The following SEMA3D variants were observed in gnomAD, a reference collection of about 807,000 sequenced individuals.
The protein encoded by SEMA3D is semaphorin-3D.
Under a neutral mutation model 100.1 loss-of-function variants are expected in SEMA3D, and 84 were observed. The observed-to-expected ratio is 0.84, with a 90% CI of 0.70 to 1.01. The LOEUF is 1.01. SEMA3D is among the 50% of genes least tolerant of loss of function. The pLI is 0.00. For synonymous variants in SEMA3D, 312 were observed against 320.7 expected, an observed-to-expected ratio of 0.97 and a Z score of 0.29; for missense variants, 875 against 934.1, an observed-to-expected ratio of 0.94 and a Z score of 0.82.
upstream of SEMA3D, among the ~76,000 whole-genome samples, chr7:85,187,226 G>A (rs554959258): frequency 6.6e-6 from 1 of 152,312 alleles, no homozygotes; most frequent in African/African-American, 2.4e-5. Context: ...CCCTGGCCAA[G>A]CGCTGACGGA....
At chr7:85,047,355 C>G (rs2116027207) in intron 9 of SEMA3D, among the ~76,000 whole-genome samples, 1 of 151,816 alleles carries the variant, frequency 6.6e-6, no homozygotes, top group South Asian at 2.1e-4. Context: ...CTTCTACTGT[C>G]CCAGCAAAAC....
intron 12 of SEMA3D, among the ~76,000 whole-genome samples, chr7:85,031,183 C>T (rs2115913964): frequency 6.6e-6 from 1 of 152,120 alleles, no homozygotes; most frequent in South Asian, 2.1e-4. Context: ...GTAAGCTTGA[C>T]ACACTGAAAG....
intron 1 of SEMA3D, among the ~76,000 whole-genome samples, chr7:85,162,051 T>C (rs1790757010): frequency 6.6e-6 from 1 of 152,106 alleles, no homozygotes; most frequent in Non-Finnish European, 1.5e-5. Flanking sequence ...TCTGTACCTG[T>C]TTCGTAGCTG....
intron 17 of SEMA3D, among the ~76,000 whole-genome samples, chr7:85,012,232 A>G (rs561868470): frequency 4.6e-5 from 7 of 151,884 alleles, no homozygotes; most frequent in Admixed American, 3.3e-4. Flanking sequence ...ACACTTCCCA[A>G]AAGATTCATA....
At chr7:85,106,577 TAAAAGGCATATGTG>T (rs1210839150) in intron 3 of SEMA3D, among the ~76,000 whole-genome samples, 2 of 152,110 alleles carry the variant, frequency 1.3e-5, no homozygotes, top group African/African-American at 4.8e-5. Context: ...AAAATAATGT[TAAAAGGCATATGTG>T]AAACTTCTCA....
chr7:85,105,205 T>C (rs1357196872), intron 3 of SEMA3D, among the ~76,000 whole-genome samples: 4 of 152,060 alleles, frequency 2.6e-5, no homozygotes, highest in Non-Finnish European at 4.4e-5. Flanking sequence ...TCAGCATTTC[T>C]CCTCTGATCT....
At chr7:85,077,753 T>C (rs1787918370) in intron 5 of SEMA3D, among the ~76,000 whole-genome samples, 1 of 152,170 alleles carries the variant, frequency 6.6e-6, no homozygotes, top group African/African-American at 2.4e-5. Flanking sequence ...CTTGATCACA[T>C]ACTGCTGGTA....
intron 9 of SEMA3D, among the ~76,000 whole-genome samples, chr7:85,044,311 T>C (rs1790944049): frequency 6.6e-6 from 1 of 152,096 alleles, no homozygotes; most frequent in Non-Finnish European, 1.5e-5. Context: ...GGTATCTTTA[T>C]AGCCTTAGCA....
chr7:85,130,353 C>G (rs1391517202), intron 2 of SEMA3D, among the ~76,000 whole-genome samples: 2 of 152,128 alleles, frequency 1.3e-5, no homozygotes, highest in African/African-American at 4.8e-5. Context: ...ATTTAGTGAA[C>G]ATTTTTTATA....
At chr7:85,185,381 A>G (rs1158677907) in intron 1 of SEMA3D, among the ~76,000 whole-genome samples, 2 of 151,336 alleles carry the variant, frequency 1.3e-5, no homozygotes, top group Non-Finnish European at 2.9e-5. Context: ...CACATGCAGG[A>G]GAACCCTTTT....
chr7:85,165,090 G>A (rs572399523), intron 1 of SEMA3D, among the ~76,000 whole-genome samples: 4 of 150,506 alleles, frequency 2.7e-5, no homozygotes, highest in Non-Finnish European at 4.4e-5. Context: ...GTGAGAACAT[G>A]CAGTGTTTGG....
chr7:85,027,843 G>C, intron 12 of SEMA3D: 1 of 531,650 alleles, frequency 1.9e-6, no homozygotes, highest in South Asian at 1.5e-5. Context: ...TAAGTGACCT[G>C]CAATTGGTAT....
intron 4 of SEMA3D, among the ~76,000 whole-genome samples, chr7:85,089,216 C>A (rs1460108632): frequency 6.6e-6 from 1 of 152,074 alleles, no homozygotes. Context: ...ATTTCTTGAG[C>A]TTTTTTGTGT....
At chr7:85,190,078 C>G (rs1449894727), upstream of SEMA3D, among the ~76,000 whole-genome samples, 2 of 152,060 alleles carry the variant, frequency 1.3e-5, no homozygotes, top group Non-Finnish European at 2.9e-5. Context: ...GGGTCCAGAG[C>G]TTAAATCTAG....
chr7:84,997,139 C>G lies in SEMA3D; in HGVS notation c.*2301G>C, dbSNP rs1447062116. On this transcript the variant is annotated 3_prime_UTR_variant, in exon 19 of 19. Transcript: ENST00000284136. ...CATAAAATAAGTTTCCAAATTTTGT[C>G]TGAATAACTAGGATTAGAAAGAAGT... The G allele has an allele frequency of 6.6e-6, 1 of 151,812 alleles. No individual in the cohort carries two copies. Among genetic ancestry groups the G allele is most frequent in the African/African-American group, 2.4e-5 (1 of 41,372 alleles). 9.4% of individuals were successfully genotyped at this position (151,812 alleles called of 1,614,324 possible). A position where few individuals can be genotyped will look rare whatever the true frequency, so the allele number is the denominator to read the frequency against.
At chr7:85,007,035 G>T in intron 17 of SEMA3D, 94 bp from the exon 18 acceptor site, 1 of 853,630 alleles carries the variant, frequency 1.2e-6, no homozygotes, top group South Asian at 2.2e-5. Flanking sequence ...CATGGGGAAA[G>T]AATCATATAC....
chr7:85,168,820 TGAAAGAAAGAA>T (rs1197126756), intron 1 of SEMA3D, among the ~76,000 whole-genome samples: 6 of 121,070 alleles, frequency 5.0e-5, no homozygotes, highest in Non-Finnish European at 8.8e-5. Context: ...GAAAGAAAGA[TGAAAGAAAGAA>T]AGAAAGAAAG....
At chr7:85,076,587 C>T (rs1273525628) in intron 5 of SEMA3D, among the ~76,000 whole-genome samples, 5 of 152,154 alleles carry the variant, frequency 3.3e-5, no homozygotes, top group African/African-American at 1.2e-4. Context: ...AACTGACTTA[C>T]AGTAGCTAAT....
rs1337694015 is a variant in SEMA3D, at chr7:85,042,171, G to A, written c.976C>T (p.Gln326Ter). Residue 326 changes from glutamine (Q) to a stop codon, truncating the protein, a stop_gained and splice_region_variant, in exon 10 of 19, where the codon CAA becomes TAA. Transcript: ENST00000284136. LOFTEE classifies it high-confidence loss of function. ...DGADTYFDEL[Q>*]DIYLLPTRDE... ...AGAAAGAAGGAAAGAAGGAACTTAC[G>A]AAGCTCATCAAAGTAAGTATCTGCC... 2.6e-5 allele frequency: 42 copies of A among 1,596,070 alleles called. No individual in the cohort carries two copies. The highest frequency in any genetic ancestry group is 3.5e-5 in the Non-Finnish European group (41 of 1,164,148).
Sources: allele counts gnomAD v4.1 joint callset (sites outside exome capture counted in the v4.1 genomes callset), GRCh38; gene constraint gnomAD v4.1.1; transcripts MANE v1.5; gene names NCBI Gene and HGNC (gene_info 2026-07-23, HGNC 2026-07-21).